Variants in GGNBP2 observed in about 807,000 individuals in gnomAD.
GGNBP2 encodes the protein gametogenetin binding protein 2, also known as gametogenetin-binding protein 2.
Under a neutral mutation model 85.9 loss-of-function variants are expected in GGNBP2, and 10 were observed. The observed-to-expected ratio is 0.12, with a 90% confidence interval of 0.07 to 0.20. The LOEUF (loss-of-function observed/expected upper bound fraction) is 0.20. Ranked by LOEUF, GGNBP2 falls within the 10% of genes least tolerant of loss-of-function variation. The probability of loss-of-function intolerance (pLI) is 1.00; values close to 1 mark genes in which losing one functional copy is unlikely to be tolerated. For synonymous variants in GGNBP2, 287 were observed against 285.7 expected (o/e 1.00, Z -0.05); for missense variants, 595 against 857.8 (o/e 0.69, Z 3.83).
Position 36,545,644 on chromosome 17 carries a change from G to T in GGNBP2, c.-81G>T, listed in dbSNP as rs917936733. ...GCAGGAGCTGGGAGGAGGCGGCAGCGGCGGCGGCAGAAACAGCAGCGGCGG... is the reference window on the plus strand; with the variant it reads ...GCAGGAGCTGGGAGGAGGCGGCAGCTGCGGCGGCAGAAACAGCAGCGGCGG... On this transcript the variant is annotated 5_prime_UTR_variant, in exon 2 of 14. Transcript: ENST00000613102. 1.2e-5 allele frequency: 13 copies of T among 1,096,274 alleles called. No homozygotes were observed. Among genetic ancestry groups the T allele is most frequent in the African/African-American group, 1.6e-5 (1 of 64,128 alleles). The allele number at this position is 1,096,274 out of a possible 1,614,324, so 67.9% of individuals were successfully genotyped here.
intron 6 of GGNBP2, chr17:36,575,269 G>A (rs1393085450): frequency 3.4e-6 from 2 of 584,590 alleles, no homozygotes; most frequent in East Asian, 7.1e-5. Flanking sequence ...GGAAGCCACT[G>A]CATTTCCCCA....
intron 6 of GGNBP2, chr17:36,574,721 A>G (rs2074559149): frequency 3.2e-6 from 2 of 633,706 alleles, no homozygotes; most frequent in African/African-American, 1.8e-5. Flanking sequence ...GGGTACAGGC[A>G]CTGAGACGAT....
chr17:36,554,984 T>C, intron 3 of GGNBP2, 84 bp downstream of exon 3: 1 of 787,640 alleles, frequency 1.3e-6, no homozygotes, highest in South Asian at 1.5e-5. Flanking sequence ...TAATTTTATA[T>C]AGGATTCTCT....
At position 36,559,074 on chromosome 17, in the gene GGNBP2, T is replaced by C. The variant is rs1287800228; in HGVS notation, c.429-1699T>C. Among the ~76,000 whole-genome samples the C allele has an allele frequency of 4.0e-5, 6 of 151,552 alleles. No homozygotes were observed. The East Asian group carries it at 9.7e-4, about 24-fold the overall frequency. On this transcript the variant is annotated intron_variant, in intron 4 of 13. Transcript: ENST00000613102. Reference sequence around the variant, plus strand: ...CAGCACTTTGGGAGGTCGGTGAGGGTGGATCACCAGAGGTCAGGAGTCTGA... The same window carrying C: ...CAGCACTTTGGGAGGTCGGTGAGGGCGGATCACCAGAGGTCAGGAGTCTGA...
chr17:36,555,172 A>C (rs1371261972), intron 3 of GGNBP2, among the ~76,000 whole-genome samples: 7 of 152,228 alleles, frequency 4.6e-5, no homozygotes, highest in Non-Finnish European at 1.0e-4. Flanking sequence ...TTTTTAAAAG[A>C]TAAGGTATAT....
In GGNBP2 at chr17:36,586,150, AAAT is replaced by A. The variant is rs764404861; in HGVS notation, c.1596_1598del (p.Asn532del). 7 of 1,613,844 alleles carry A rather than the reference AAAT, an allele frequency of 4.3e-6. No individual in the cohort carries two copies. The highest frequency in any genetic ancestry group is 5.1e-6 in the Non-Finnish European group (6 of 1,179,956). ...CTGAAGAGAACGACACAAAAGGAAAAAATAAAAAGAAGAAGAAGAAAAGCAAGA... is the reference window on the plus strand; with the variant it reads ...CTGAAGAGAACGACACAAAAGGAAAAAAAAAGAAGAAGAAGAAAAGCAAGA... On this transcript the variant is annotated inframe_deletion, in exon 12 of 14. Coordinates refer to ENST00000613102, the MANE Select transcript of GGNBP2 (RefSeq NM_024835.5).
chr17:36,575,649 T>TATA (rs1491168966), intron 6 of GGNBP2, among the ~76,000 whole-genome samples: 159 of 37,730 alleles, frequency 4.2e-3, no homozygotes, highest in East Asian at 0.027. Flanking sequence ...TATATATATA[T>TATA]TTTTTTTTTT....
In GGNBP2 at chr17:36,550,570, A is replaced by G. The variant is rs150670649; in HGVS notation, c.94-4250A>G. Among the ~76,000 whole-genome samples the G allele has an allele frequency of 6.9e-3, 1,048 of 152,350 alleles. 5 individuals are homozygous for G. The highest frequency in any genetic ancestry group is 8.1e-3 in the Non-Finnish European group (554 of 68,044). ...AATGACAGTGATTTTAATAAATGCA[A>G]ACTTAGTATATTGTTGGTTAGAACT... On this transcript the variant is annotated intron_variant, in intron 2 of 13. Coordinates refer to ENST00000613102, the MANE Select transcript of GGNBP2 (RefSeq NM_024835.5).
rs1170218409 is a variant in GGNBP2, at chr17:36,545,606, T to C, written c.-106-13T>C. The stretch of plus-strand genomic sequence containing the variant: ...CGGCGGGTGCTTACGCTCGCGGGGT[T>C]TGGCTGTTGCAGGCAGGAGCTGGGA... On this transcript the variant is annotated splice_polypyrimidine_tract_variant and intron_variant, in intron 1 of 13. Transcript: ENST00000613102. 2.7e-6 allele frequency: 2 copies of C among 737,624 alleles called. No homozygotes were observed. The highest frequency in any genetic ancestry group is 3.5e-5 in the African/African-American group (2 of 56,612). 45.7% of individuals were successfully genotyped at this position (737,624 alleles called of 1,614,324 possible).
At chr17:36,548,506 T>G (rs1032140919) in intron 2 of GGNBP2, among the ~76,000 whole-genome samples, 3 of 149,532 alleles carry the variant, frequency 2.0e-5, no homozygotes, top group Admixed American at 6.7e-5. Flanking sequence ...TCCCAGCTAC[T>G]CAGGAGGCTG....
intron 2 of GGNBP2, among the ~76,000 whole-genome samples, chr17:36,549,764 G>A (rs192666633): frequency 6.6e-6 from 1 of 151,870 alleles, no homozygotes; most frequent in African/African-American, 2.4e-5. Flanking sequence ...TTCCACTGTT[G>A]GACATGGAGG....
rs182647143 is a variant in GGNBP2, at chr17:36,589,591, T to C, written c.*180T>C. The stretch of plus-strand genomic sequence containing the variant: ...TAGTTCTTTCTTCAGGCTTGTGTCT[T>C]TAGTTGCGTGGCTGCGCAGGCCTGC... On this transcript the variant is annotated 3_prime_UTR_variant, in exon 14 of 14. Coordinates refer to ENST00000613102, the MANE Select transcript of GGNBP2 (RefSeq NM_024835.5). 18 of 598,706 alleles carry C rather than the reference T, an allele frequency of 3.0e-5. 1 individual carries two copies. In the Admixed American group the frequency reaches 4.3e-4, roughly 14 times the overall value. The allele number at this position is 598,706 out of a possible 1,614,324, so 37.1% of individuals were successfully genotyped here.
intron 6 of GGNBP2, chr17:36,577,663 T>G (rs2074605307): frequency 2.8e-6 from 1 of 361,664 alleles, no homozygotes; most frequent in African/African-American, 2.1e-5. Flanking sequence ...AAATAGCTTT[T>G]GAAGTGGAGA....
In GGNBP2 at chr17:36,586,195, A is replaced by G. The variant is rs898213711; in HGVS notation, c.1638A>G (p.Glu546=). 2 of 1,611,190 alleles carry G rather than the reference A, an allele frequency of 1.2e-6. No homozygotes were observed. Among genetic ancestry groups the G allele is most frequent in the Non-Finnish European group, 1.7e-6 (2 of 1,179,636 alleles). ...KKKSKILKCD[E]HIQKLGSCIT... Reference sequence around the variant, plus strand: ...AAAGCAAGATACTGAAATGTGATGAACATGTAAGTGTCATAACTTGTAATT... The same window carrying G: ...AAAGCAAGATACTGAAATGTGATGAGCATGTAAGTGTCATAACTTGTAATT... Residue 546 remains glutamate, a synonymous_variant, in exon 12 of 14, where the codon GAA becomes GAG. Transcript: ENST00000613102.
intron 5 of GGNBP2, among the ~76,000 whole-genome samples, chr17:36,564,471 C>G (rs942392081): frequency 3.3e-5 from 5 of 152,216 alleles, no homozygotes; most frequent in Admixed American, 2.6e-4. Context: ...AAACAAACCT[C>G]CACAGATTTT....
intron 2 of GGNBP2, among the ~76,000 whole-genome samples, chr17:36,549,448 T>G (rs1394771164): frequency 6.6e-6 from 1 of 152,202 alleles, no homozygotes; most frequent in Non-Finnish European, 1.5e-5. Context: ...TCAGGTCATC[T>G]GTCCGCCTCG....
intron 10 of GGNBP2, 186 bp downstream of exon 10, chr17:36,585,636 CA>C: frequency 1.6e-6 from 1 of 623,010 alleles, no homozygotes; most frequent in Non-Finnish European, 2.6e-6. Context: ...TTATTTTTGA[CA>C]AAAACGAAAA....
chr17:36,550,481 CT>C (rs2074298453), intron 2 of GGNBP2, among the ~76,000 whole-genome samples: 1 of 152,126 alleles, frequency 6.6e-6, no homozygotes, highest in Non-Finnish European at 1.5e-5. Context: ...TTTCTTTCAA[CT>C]TTTAACAGTT....
intron 6 of GGNBP2, among the ~76,000 whole-genome samples, chr17:36,575,642 A>AT (rs1341363221): frequency 1.0e-3 from 52 of 51,610 alleles, no homozygotes; most frequent in African/African-American, 3.1e-3. Flanking sequence ...ATATATATAT[A>AT]TATATATTTT....
Sources: gnomAD v4.1 joint callset for allele counts (sites outside exome capture counted in the v4.1 genomes callset) on GRCh38, gnomAD v4.1.1 for gene constraint, MANE v1.5 for transcripts, NCBI Gene and HGNC (gene_info 2026-07-23, HGNC 2026-07-21) for gene names.